MYH15: variants seen among roughly 807,000 people sequenced by gnomAD.
MYH15 encodes the protein myosin heavy chain 15.
In MYH15, 227 loss-of-function variants were observed where a neutral mutation model predicts 240.5. The ratio of observed to expected loss-of-function variants is 0.94; its 90% confidence interval spans 0.85 to 1.05. The LOEUF (loss-of-function observed/expected upper bound fraction) is 1.05. MYH15 is among the 50% of genes least tolerant of loss of function. The pLI is 0.00. For synonymous variants in MYH15, 785 were observed against 796.7 expected (o/e 0.99, Z 0.25); for missense variants, 2,217 against 2,247.5 (o/e 0.99, Z 0.27).
chr3:108,476,259 C>T, intron 12 of MYH15, 138 bp downstream of exon 12: 1 of 537,362 alleles, frequency 1.9e-6, no homozygotes, highest in Non-Finnish European at 3.3e-6. Flanking sequence ...GAATAGTCAT[C>T]CCAAGAGCTC....
Position 108,408,298 on chromosome 3 carries a change from C to T in MYH15, c.4602G>A (p.Val1534=), listed in dbSNP as rs2082561411. The change falls in exon 32 of 41, where the codon GTG becomes GTA. Residue 1534 remains valine (V), a synonymous_variant. Transcript: ENST00000693548. ...ATAATACCTCTGTTTCTTCCAGTGT[C>T]ACCTGGACTTCTGTCTTCTCTTCTT... is the stretch of plus-strand genomic sequence containing the variant. The part of the protein sequence containing the change: ...LIEEEKTEVQ[V]TLEETEGALE... 1.9e-6 allele frequency: 3 copies of T among 1,613,086 alleles called. No individual in the cohort carries two copies. In the East Asian group the frequency reaches 6.7e-5, roughly 36 times the overall value.
intron 21 of MYH15, among the ~76,000 whole-genome samples, chr3:108,448,704 G>A (rs1212617695): frequency 6.6e-6 from 1 of 151,906 alleles, no homozygotes; most frequent in Non-Finnish European, 1.5e-5. Context: ...GTGAAAAACT[G>A]AAAGCTTTTC....
At chr3:108,433,111 G>T (rs371973906) in intron 25 of MYH15, among the ~76,000 whole-genome samples, 2 of 152,216 alleles carry the variant, frequency 1.3e-5, no homozygotes, top group African/African-American at 4.8e-5. Flanking sequence ...CTGCAAAGCC[G>T]CAGGGGAGGA....
At chr3:108,450,049 A>T (rs1391888713) in intron 21 of MYH15, among the ~76,000 whole-genome samples, 1 of 152,142 alleles carries the variant, frequency 6.6e-6, no homozygotes, top group Non-Finnish European at 1.5e-5. Flanking sequence ...CTACTAAAAA[A>T]CAAAAGATAA....
chr3:108,445,735 T>G (rs1390414138), intron 21 of MYH15, among the ~76,000 whole-genome samples: 1 of 152,162 alleles, frequency 6.6e-6, no homozygotes, highest in Non-Finnish European at 1.5e-5. Context: ...TTCAGATAAT[T>G]GAACTATCTG....
the MYH15 span, among the ~76,000 whole-genome samples, chr3:108,542,675 A>G: frequency 6.6e-6 from 1 of 152,098 alleles, no homozygotes; most frequent in African/African-American, 2.4e-5. Flanking sequence ...AGCACCTATT[A>G]GCTATTCTTC....
chr3:108,491,797 A>G (rs2083350331), intron 9 of MYH15, among the ~76,000 whole-genome samples: 1 of 152,038 alleles, frequency 6.6e-6, no homozygotes, highest in South Asian at 2.1e-4. Context: ...TCCTTTAATC[A>G]ACCTGGTCTC....
Position 108,464,698 on chromosome 3 carries a change from C to G in MYH15, c.1671G>C (p.Lys557Asn). ...CAAATTTCTTCTTATCAGGCTTGGG[C>G]TTCTGGAGATGAACCGACTTTCCAA... ...NHFGKSVHLQKPKPDKKKFEA... is the reference protein window; with the variant it reads ...NHFGKSVHLQNPKPDKKKFEA... Residue 557 changes from lysine to asparagine, a missense_variant, in exon 15 of 41, where the codon AAG becomes AAC. Coordinates refer to ENST00000693548, the MANE Select transcript of MYH15 (RefSeq NM_014981.3). The G allele has an allele frequency of 6.2e-7, 1 of 1,613,944 alleles. No individual in the cohort carries two copies. The highest frequency in any genetic ancestry group is 8.5e-7 in the Non-Finnish European group (1 of 1,179,880).
chr3:108,524,077 A>C (rs1487768867), intron 1 of MYH15, among the ~76,000 whole-genome samples: 3 of 151,954 alleles, frequency 2.0e-5, no homozygotes, highest in Non-Finnish European at 4.4e-5. Context: ...AGGAGTGGGA[A>C]TGTTAAGTCA....
At chr3:108,484,524 G>A (rs1007717193) in intron 11 of MYH15, among the ~76,000 whole-genome samples, 10 of 152,002 alleles carry the variant, frequency 6.6e-5, no homozygotes, top group African/African-American at 2.4e-4. Context: ...TGTCACCCAG[G>A]CTGAAGTGCA....
At chr3:108,468,409 C>T (rs1298618146) in intron 14 of MYH15, among the ~76,000 whole-genome samples, 1 of 151,968 alleles carries the variant, frequency 6.6e-6, no homozygotes, top group Non-Finnish European at 1.5e-5. Context: ...TAAAAACATC[C>T]CATTATGCAT....
chr3:108,438,743 TCATGGACTTCC>T (rs1230530460), intron 24 of MYH15, among the ~76,000 whole-genome samples: 1 of 152,154 alleles, frequency 6.6e-6, no homozygotes, highest in Non-Finnish European at 1.5e-5. Flanking sequence ...GGTACTTTGA[TCATGGACTTCC>T]CAGCCTCCAG....
intron 37 of MYH15, among the ~76,000 whole-genome samples, chr3:108,390,338 T>A (rs2082414635): frequency 6.6e-6 from 1 of 152,226 alleles, no homozygotes. Flanking sequence ...ATTAAGGAGT[T>A]CATTGCTGGT....
rs570867362 is a variant in MYH15 at position 108,399,594 on chromosome 3, A to C, written c.4737-327T>G. ...TATCCCATAAAGGATGACCTAGGGC[A>C]AGCACCTGGGTTTCCTGTGGTGGCT... On this transcript the variant is annotated intron_variant, in intron 33 of 40. Coordinates refer to ENST00000693548, the MANE Select transcript of MYH15 (RefSeq NM_014981.3). Among the ~76,000 whole-genome samples the C allele has an allele frequency of 3.3e-3, 501 of 152,332 alleles. 5 individuals are homozygous for C. Among genetic ancestry groups the C allele is most frequent in the African/African-American group, 0.011 (476 of 41,572 alleles).
intron 12 of MYH15, among the ~76,000 whole-genome samples, chr3:108,475,494 G>A (rs1407950942): frequency 6.6e-6 from 1 of 152,144 alleles, no homozygotes; most frequent in African/African-American, 2.4e-5. Context: ...GTTAGTGAAA[G>A]TGATATTACT....
the MYH15 span, among the ~76,000 whole-genome samples, chr3:108,535,464 C>A: frequency 6.6e-6 from 1 of 152,140 alleles, no homozygotes; most frequent in African/African-American, 2.4e-5. Flanking sequence ...GAGGGCTCCA[C>A]TCTCATGACC....
intron 22 of MYH15, among the ~76,000 whole-genome samples, chr3:108,442,578 C>A (rs971257522): frequency 6.6e-6 from 1 of 152,108 alleles, no homozygotes; most frequent in Non-Finnish European, 1.5e-5. Context: ...AGAGGACAGT[C>A]CAATCGACCA....
At chr3:108,423,368 C>T (rs1004739894) in intron 27 of MYH15, among the ~76,000 whole-genome samples, 2 of 152,140 alleles carry the variant, frequency 1.3e-5, no homozygotes, top group South Asian at 2.1e-4. Flanking sequence ...TCACAGATGT[C>T]CTACAGCACA....
the MYH15 span, among the ~76,000 whole-genome samples, chr3:108,538,145 G>C: frequency 3.3e-5 from 5 of 152,146 alleles, no homozygotes; most frequent in Admixed American, 2.6e-4. Flanking sequence ...TCTTCTTACT[G>C]CTTCCGTTGT....
Sources: allele counts gnomAD v4.1 joint callset (sites outside exome capture counted in the v4.1 genomes callset), GRCh38; gene constraint gnomAD v4.1.1; transcripts MANE v1.5; gene names NCBI Gene and HGNC (gene_info 2026-07-23, HGNC 2026-07-21).